The following CLDN19 variants were observed in gnomAD, a reference collection of about 807,000 sequenced individuals.
CLDN19 encodes the protein claudin 19.
A neutral mutation model predicts 24.5 loss-of-function variants in CLDN19; 19 were observed. The ratio of observed to expected loss-of-function variants is 0.78; its 90% CI spans 0.54 to 1.14. The LOEUF is 1.14. CLDN19 is among the 50% of genes most tolerant of loss of function. CLDN19 has a pLI of 0.00. For missense variants in CLDN19, 250 were observed against 295.9 expected, an observed-to-expected ratio of 0.84 and a Z score of 1.14; for synonymous variants, 117 against 129.6, an observed-to-expected ratio of 0.90 and a Z score of 0.66.
chr1:42,736,518 C>A (rs1352743219), intron 3 of CLDN19, among the ~76,000 whole-genome samples: 1 of 152,170 alleles, frequency 6.6e-6, no homozygotes, highest in Non-Finnish European at 1.5e-5. Context: ...GCCAGCCCTG[C>A]TCCTGGTTCT....
At chr1:42,739,306 C>G (rs182670740) in intron 1 of CLDN19, among the ~76,000 whole-genome samples, 3 of 152,338 alleles carry the variant, frequency 2.0e-5, no homozygotes, top group African/African-American at 4.8e-5. Flanking sequence ...TCAGGCTCAT[C>G]TCCACACCCC....
At chr1:42,738,828 C>T (rs1006665159) in intron 1 of CLDN19, among the ~76,000 whole-genome samples, 2 of 152,108 alleles carry the variant, frequency 1.3e-5, no homozygotes, top group African/African-American at 2.4e-5. Flanking sequence ...CAGGCTTTTC[C>T]GGTAGTATGA....
chr1:42,739,530 G>T (rs1002805551), intron 1 of CLDN19, among the ~76,000 whole-genome samples: 1 of 152,224 alleles, frequency 6.6e-6, no homozygotes, highest in Non-Finnish European at 1.5e-5. Context: ...GTCTTTCAGA[G>T]TGCCACAGGT....
intron 4 of CLDN19, chr1:42,735,572 GGCTGGT>G: frequency 7.0e-7 from 1 of 1,422,634 alleles, no homozygotes; most frequent in Non-Finnish European, 9.1e-7. Context: ...TAAACAGCCG[GGCTGGT>G]GCCTGAGGGC....
At chr1:42,736,748 C>T (rs543277781) in intron 3 of CLDN19, among the ~76,000 whole-genome samples, 3 of 152,230 alleles carry the variant, frequency 2.0e-5, no homozygotes, top group Non-Finnish European at 4.4e-5. Context: ...CTTGCTTGTC[C>T]GGCTCCCTGG....
At chr1:42,739,812 A>ACCTCCCG in intron 1 of CLDN19, 29 bp downstream of exon 1, 3 of 1,601,122 alleles carry the variant, frequency 1.9e-6, no homozygotes, top group Non-Finnish European at 2.6e-6. Flanking sequence ...CCCACCTCCC[A>ACCTCCCG]TCTCCCACCC....
Position 42,739,914 on chromosome 1 carries a change from G to C in CLDN19, c.150C>G (p.Leu50=), listed in dbSNP as rs750581981. The part of the protein sequence containing the change: ...IITAVGLYEG[L]WMSCASQSTG... ...TGCTCTGGGAGGCGCAGGACATCCA[G>C]AGCCCTTCATAGAGGCCCACGGCAG... The change falls in exon 1 of 5, where the codon CTC becomes CTG. Residue 50 remains leucine (L), a synonymous_variant. Transcript: ENST00000296387. 2.5e-5 allele frequency: 41 copies of C among 1,612,682 alleles called. No homozygotes were observed. The highest frequency in any genetic ancestry group is 1.8e-4 in the Admixed American group (11 of 59,920).
intron 4 of CLDN19, 103 bp downstream of exon 4, chr1:42,735,775 A>G: frequency 6.5e-7 from 1 of 1,534,720 alleles, no homozygotes; most frequent in Non-Finnish European, 8.8e-7. Context: ...TGCCCATCCT[A>G]TGCCCCAGTG....
At chr1:42,739,379 T>C (rs1463287331) in intron 1 of CLDN19, among the ~76,000 whole-genome samples, 1 of 152,040 alleles carries the variant, frequency 6.6e-6, no homozygotes, top group African/African-American at 2.4e-5. Flanking sequence ...TGTGTGCGTG[T>C]GCATGCGTGT....
At chr1:42,739,723 G>T (rs910844637) in intron 1 of CLDN19, 118 bp downstream of exon 1, 7 of 855,844 alleles carry the variant, frequency 8.2e-6, no homozygotes, top group Non-Finnish European at 1.3e-5. Flanking sequence ...TGGGGGAATT[G>T]TAGAGCGGAG....
In CLDN19 at chr1:42,738,236, T is replaced by C; in HGVS notation, c.466A>G (p.Asn156Asp). The change falls in exon 3 of 5, where the codon AAT becomes GAT. Residue 156 changes from asparagine to aspartate, a missense_variant. Coordinates refer to ENST00000296387, the MANE Select transcript of CLDN19 (RefSeq NM_148960.3). ...QEFFNPSTPV[N>D]ARYEFGPALF... ...CCAAGCCCTGGCACCCACCTGGCAT[T>C]GACAGGTGTGCTTGGGTTGAAGAAC... 1 of 1,613,496 alleles carries C rather than the reference T, an allele frequency of 6.2e-7. No individual in the cohort carries two copies. The highest frequency in any genetic ancestry group is 8.5e-7 in the Non-Finnish European group (1 of 1,179,764).
At chr1:42,738,949 C>T (rs1651462284) in intron 1 of CLDN19, among the ~76,000 whole-genome samples, 1 of 152,126 alleles carries the variant, frequency 6.6e-6, no homozygotes, top group African/African-American at 2.4e-5. Context: ...GGTGGAAGAG[C>T]TGGGGGTATC....
chr1:42,740,107 C>T lies in CLDN19; in HGVS notation c.-44G>A, dbSNP rs977202893. 2.0e-6 allele frequency: 3 copies of T among 1,464,392 alleles called. No individual in the cohort carries two copies. Among genetic ancestry groups the T allele is most frequent in the Non-Finnish European group, 1.9e-6 (2 of 1,074,248 alleles). 90.7% of individuals were successfully genotyped at this position (1,464,392 alleles called of 1,614,324 possible). The stretch of plus-strand genomic sequence containing the variant: ...GAGGGTCCCAGGACTCAGAGCTGGG[C>T]CAGGGTGCCAGCAGGGGCTTTGGTC... On this transcript the variant is annotated 5_prime_UTR_variant, in exon 1 of 5. Transcript: ENST00000296387.
At chr1:42,736,989 C>G (rs1257670374) in intron 3 of CLDN19, among the ~76,000 whole-genome samples, 1 of 152,190 alleles carries the variant, frequency 6.6e-6, no homozygotes, top group Non-Finnish European at 1.5e-5. Context: ...TCTGCCTCCT[C>G]CAGGCATCCC....
chr1:42,739,992 G>A lies in CLDN19; in HGVS notation c.72C>T (p.Ser24=). The A allele has an allele frequency of 1.3e-6, 2 of 1,586,190 alleles. No individual in the cohort carries two copies. Among genetic ancestry groups the A allele is most frequent in the Non-Finnish European group, 1.7e-6 (2 of 1,166,124 alleles). Residue 24 remains serine (S), a synonymous_variant, in exon 1 of 5, where the codon AGC becomes AGT. Transcript: ENST00000296387. The stretch of plus-strand genomic sequence containing the variant: ...ACTGCTTCCACTGTGGCAGGGCTGT[G>A]CTAGCAATGATGCCCACCCAGCCAC... ...ALGGWVGIIA[S]TALPQWKQSS...
intron 1 of CLDN19, 78 bp downstream of exon 1, chr1:42,739,763 A>G: frequency 5.0e-6 from 6 of 1,204,312 alleles, no homozygotes; most frequent in Non-Finnish European, 7.2e-6. Context: ...CGCAGATAGC[A>G]GACTGTGAGG....
intron 1 of CLDN19, among the ~76,000 whole-genome samples, chr1:42,739,057 G>A (rs965853510): frequency 6.6e-6 from 1 of 152,186 alleles, no homozygotes; most frequent in African/African-American, 2.4e-5. Flanking sequence ...GCAGCTGGAA[G>A]CTTGCCTCTT....
At chr1:42,737,184 G>GTC (rs1651399545) in intron 3 of CLDN19, among the ~76,000 whole-genome samples, 1 of 152,308 alleles carries the variant, frequency 6.6e-6, no homozygotes, top group Admixed American at 6.5e-5. Flanking sequence ...CATGCCCACA[G>GTC]TCTTACAAGT....
At chr1:42,738,075 G>A (rs1222616704) in intron 3 of CLDN19, among the ~76,000 whole-genome samples, 154 bp downstream of exon 3, 1 of 152,216 alleles carries the variant, frequency 6.6e-6, no homozygotes, top group African/African-American at 2.4e-5. Context: ...CCGCCCCTAT[G>A]GAGGGCCCCA....
Sources: allele counts gnomAD v4.1 joint callset (sites outside exome capture counted in the v4.1 genomes callset), GRCh38; gene constraint gnomAD v4.1.1; transcripts MANE v1.5; gene names NCBI Gene and HGNC (gene_info 2026-07-23, HGNC 2026-07-21).